SHOC1: variants seen among roughly 807,000 people sequenced by gnomAD.
The protein encoded by SHOC1 is protein shortage in chiasmata 1 ortholog.
Under a neutral mutation model 179.2 loss-of-function variants are expected in SHOC1, and 136 were observed. The ratio of observed to expected loss-of-function variants is 0.76; its 90% CI spans 0.66 to 0.87. The LOEUF (loss-of-function observed/expected upper bound fraction) is 0.87. SHOC1 is among the 40% of genes least tolerant of loss of function. The pLI, the probability that SHOC1 is intolerant of heterozygous loss-of-function variation, is 0.00. For synonymous variants in SHOC1, 489 were observed against 586.6 expected (o/e 0.83, Z 2.41); for missense variants, 1,538 against 1,700.8 (o/e 0.90, Z 1.68).
chr9:111,744,456 G>A (rs1484213969), intron 10 of SHOC1, among the ~76,000 whole-genome samples: 1 of 152,078 alleles, frequency 6.6e-6, no homozygotes. Flanking sequence ...TATATTTAGG[G>A]CCCTCAGTCT....
At chr9:111,720,446 CTT>C (rs1427778222) in intron 15 of SHOC1, among the ~76,000 whole-genome samples, 1 of 152,072 alleles carries the variant, frequency 6.6e-6, no homozygotes, top group Admixed American at 6.6e-5. Flanking sequence ...CTTTGTGTCT[CTT>C]GTACTAAGTG....
chr9:111,699,870 C>T (rs1831879087), intron 24 of SHOC1, 84 bp downstream of exon 24: 2 of 757,114 alleles, frequency 2.6e-6, no homozygotes, highest in Admixed American at 2.4e-5. Context: ...TTGCTTAACA[C>T]TTTTTTCTCA....
chr9:111,700,153 G>T, intron 23 of SHOC1, 106 bp from the exon 24 acceptor site: 3 of 659,460 alleles, frequency 4.5e-6, no homozygotes, highest in Non-Finnish European at 7.1e-6. Flanking sequence ...GAATAACCTA[G>T]CTAAGACAAT....
chr9:111,786,023 T>C lies in SHOC1; in HGVS notation c.58A>G (p.Lys20Glu). ...AATAAAGCATCTCTGTAAAACTTCT[T>C]TCTAACCACATTCTGTGGAAGAAAG... ...IDYLYENVVR[K>E]KFYRDALLLR... Residue 20 changes from lysine to glutamate, a missense_variant, in exon 3 of 28, where the codon AAG (lysine) becomes GAG (glutamate). Transcript: ENST00000682961. 1 of 1,495,480 alleles carries C rather than the reference T, an allele frequency of 6.7e-7. No individual in the cohort carries two copies. The highest frequency in any genetic ancestry group is 8.9e-7 in the Non-Finnish European group (1 of 1,124,774). 92.6% of individuals were successfully genotyped at this position (1,495,480 alleles called of 1,614,324 possible). A position where few individuals can be genotyped will look rare whatever the true frequency, so the allele number is the denominator to read the frequency against.
At chr9:111,698,856 A>C (rs567676634) in intron 24 of SHOC1, among the ~76,000 whole-genome samples, 5 of 152,154 alleles carry the variant, frequency 3.3e-5, no homozygotes, top group Non-Finnish European at 7.3e-5. Context: ...CACATTGTGG[A>C]GGAGTTTGAA....
chr9:111,722,366 T>C (rs1477501981), intron 15 of SHOC1, 43 bp downstream of exon 15: 2 of 1,518,162 alleles, frequency 1.3e-6, no homozygotes, highest in Non-Finnish European at 1.8e-6. Context: ...CAATAATTTC[T>C]AAGCATATCT....
intron 12 of SHOC1, among the ~76,000 whole-genome samples, chr9:111,733,225 TA>T (rs1190746020): frequency 1.3e-5 from 2 of 152,252 alleles, no homozygotes; most frequent in Non-Finnish European, 2.9e-5. Context: ...GGCTATGGCT[TA>T]AATCACAATC....
chr9:111,686,789 G>A lies in SHOC1; in HGVS notation c.4508C>T (p.Thr1503Ile), dbSNP rs1376159085. The A allele has an allele frequency of 1.2e-6, 2 of 1,612,868 alleles. No homozygotes were observed. Among genetic ancestry groups the A allele is most frequent in the Non-Finnish European group, 1.7e-6 (2 of 1,179,016 alleles). ...CCTCCTTCAAAAAAACCTCAGCCGAGTCTGCCCATCAACTCTACCAGGGAC... is the reference window on the plus strand; with the variant it reads ...CCTCCTTCAAAAAAACCTCAGCCGAATCTGCCCATCAACTCTACCAGGGAC... ...EKVPGRVDGQ[T>I]RLRFF Residue 1503 changes from threonine to isoleucine, a missense_variant, in exon 28 of 28, where the codon ACT becomes ATT. Transcript: ENST00000682961.
intron 26 of SHOC1, 53 bp downstream of exon 26, chr9:111,693,746 T>C (rs1400639971): frequency 1.1e-5 from 13 of 1,194,168 alleles, no homozygotes; most frequent in Non-Finnish European, 1.4e-5. Context: ...AAATAGATAC[T>C]CAAATCGAAA....
intron 5 of SHOC1, among the ~76,000 whole-genome samples, chr9:111,770,936 A>C (rs958180234): frequency 6.6e-6 from 1 of 152,116 alleles, no homozygotes; most frequent in African/African-American, 2.4e-5. Flanking sequence ...TGAAGGCAGC[A>C]TATAGTTTGG....
intron 9 of SHOC1, among the ~76,000 whole-genome samples, chr9:111,746,791 A>T (rs964912371): frequency 7.2e-5 from 11 of 152,188 alleles, no homozygotes; most frequent in African/African-American, 2.4e-4. Flanking sequence ...GAGATATAAA[A>T]TGTCTTAAAT....
intron 2 of SHOC1, among the ~76,000 whole-genome samples, chr9:111,790,307 C>T (rs1326126479): frequency 6.6e-6 from 1 of 152,004 alleles, no homozygotes; most frequent in African/African-American, 2.4e-5. Flanking sequence ...TTTGCACCAC[C>T]CTAATATAAT....
intron 16 of SHOC1, among the ~76,000 whole-genome samples, chr9:111,716,381 CTTTTTTTTTTTTT>C (rs34548781): frequency 5.9e-4 from 40 of 67,744 alleles, no homozygotes; most frequent in Non-Finnish European, 5.2e-4. Flanking sequence ...TCTTTTCTCC[CTTTTTTTTTTTTT>C]TTTTTTTTTT....
At chr9:111,693,215 A>C (rs1234322040) in intron 26 of SHOC1, among the ~76,000 whole-genome samples, 1 of 151,998 alleles carries the variant, frequency 6.6e-6, no homozygotes, top group Non-Finnish European at 1.5e-5. Flanking sequence ...CTGAGGCACG[A>C]GAATTGCTTG....
Position 111,758,198 on chromosome 9 carries a change from T to G in SHOC1, c.597-3A>C, listed in dbSNP as rs200424743. On this transcript the variant is annotated splice_region_variant and splice_polypyrimidine_tract_variant and intron_variant, in intron 6 of 27. Transcript: ENST00000682961. ...TTTCTTGAAGAGAGAAACATTCCCTTAAAAAAAAATACATTAATTAGTGTT... is the reference window on the plus strand; with the variant it reads ...TTTCTTGAAGAGAGAAACATTCCCTGAAAAAAAAATACATTAATTAGTGTT... The G allele has an allele frequency of 2.5e-5, 36 of 1,435,382 alleles. No homozygotes were observed. In the East Asian group the frequency reaches 8.4e-4, roughly 33 times the overall value. 88.9% of individuals were successfully genotyped at this position (1,435,382 alleles called of 1,614,324 possible). A position where few individuals can be genotyped will look rare whatever the true frequency, so the allele number is the denominator to read the frequency against.
chr9:111,787,790 G>A (rs1454362957), intron 2 of SHOC1, among the ~76,000 whole-genome samples: 1 of 152,160 alleles, frequency 6.6e-6, no homozygotes, highest in Non-Finnish European at 1.5e-5. Flanking sequence ...AGCACTGCAT[G>A]CTACAGAGAA....
Position 111,705,170 on chromosome 9 carries a change from TACAC to T in SHOC1, c.2855+73_2855+76del, listed in dbSNP as rs112920989. 3.1e-3 allele frequency: 1,513 copies of T among 492,410 alleles called. 17 individuals are homozygous for T. Among genetic ancestry groups the T allele is most frequent in the African/African-American group, 0.031 (1,366 of 44,654 alleles). The allele number at this position is 492,410 out of a possible 1,614,324, so 30.5% of individuals were successfully genotyped here. A position where few individuals can be genotyped will look rare whatever the true frequency, so the allele number is the denominator to read the frequency against. On this transcript the variant is annotated intron_variant, in intron 21 of 27. Coordinates refer to ENST00000682961, the MANE Select transcript of SHOC1 (RefSeq NM_001378211.1). ...AATATTTAGCCTATCAGAATATATA[TACAC>T]ACACACACACACACACACACACATA...
chr9:111,712,396 A>G (rs1431269833), intron 18 of SHOC1, among the ~76,000 whole-genome samples: 1 of 152,200 alleles, frequency 6.6e-6, no homozygotes, highest in Non-Finnish European at 1.5e-5. Flanking sequence ...GAGGAGGAAT[A>G]ATGTTTTGAA....
Position 111,686,309 on chromosome 9 carries a change from T to A in SHOC1, c.*461A>T, listed in dbSNP as rs1831158982. 1 of 152,254 alleles carries A rather than the reference T, an allele frequency of 6.6e-6. No individual in the cohort carries two copies. Among genetic ancestry groups the A allele is most frequent in the African/African-American group, 2.4e-5 (1 of 41,464 alleles). The allele number at this position is 152,254 out of a possible 1,614,324, so 9.4% of individuals were successfully genotyped here. A position where few individuals can be genotyped will look rare whatever the true frequency, so the allele number is the denominator to read the frequency against. On this transcript the variant is annotated 3_prime_UTR_variant, in exon 28 of 28. Coordinates refer to ENST00000682961, the MANE Select transcript of SHOC1 (RefSeq NM_001378211.1). Reference sequence around the variant, plus strand: ...CTTTATATATGAGAAATGTAAACTTTTTTTCCTATTATCTGGGTTGCAAAT... The same window carrying A: ...CTTTATATATGAGAAATGTAAACTTATTTTCCTATTATCTGGGTTGCAAAT...
Sources: allele counts gnomAD v4.1 joint callset (sites outside exome capture counted in the v4.1 genomes callset), GRCh38; gene constraint gnomAD v4.1.1; transcripts MANE v1.5; gene names NCBI Gene and HGNC (gene_info 2026-07-23, HGNC 2026-07-21).